The following CDK14 variants were observed in gnomAD, a reference collection of about 807,000 sequenced individuals.
The protein encoded by CDK14 is cyclin-dependent kinase 14.
Under a neutral mutation model 60.7 loss-of-function variants are expected in CDK14, and 34 were observed. That is an observed-to-expected ratio of 0.56 (90% CI 0.43 to 0.75). CDK14 has a LOEUF of 0.75. Ranked by LOEUF, CDK14 falls within the 30% of genes least tolerant of loss-of-function variation. CDK14 has a pLI of 0.00. For synonymous variants in CDK14, 197 were observed against 203.7 expected, an observed-to-expected ratio of 0.97 and a Z score of 0.28; for missense variants, 482 against 564.1, an observed-to-expected ratio of 0.85 and a Z score of 1.47.
chr7:90,609,059 C>T (rs1196198145), intron 2 of CDK14, among the ~76,000 whole-genome samples: 1 of 152,040 alleles, frequency 6.6e-6, no homozygotes, highest in African/African-American at 2.4e-5. Flanking sequence ...CTTGGTGTCC[C>T]TTGGTCATCC....
At chr7:90,961,301 C>T (rs1465184203) in intron 9 of CDK14, among the ~76,000 whole-genome samples, 2 of 152,100 alleles carry the variant, frequency 1.3e-5, no homozygotes, top group East Asian at 3.8e-4. Context: ...GACTGTTTTT[C>T]TCTCCTGACA....
chr7:90,949,811 A>C (rs894398660), intron 8 of CDK14, among the ~76,000 whole-genome samples: 1 of 152,232 alleles, frequency 6.6e-6, no homozygotes, highest in East Asian at 1.9e-4. Flanking sequence ...AGGATATTTT[A>C]ATTGTAATCT....
At chr7:90,925,436 G>A (rs920836457) in intron 8 of CDK14, among the ~76,000 whole-genome samples, 9 of 152,156 alleles carry the variant, frequency 5.9e-5, no homozygotes, top group African/African-American at 2.2e-4. Flanking sequence ...AGCAGAGGAT[G>A]GAAAACGATG....
intron 4 of CDK14, among the ~76,000 whole-genome samples, chr7:90,748,652 G>A (rs182029190): frequency 3.3e-5 from 5 of 152,134 alleles, no homozygotes; most frequent in Admixed American, 2.6e-4. Context: ...GCTTGATAAC[G>A]GCTCATTGCA....
At chr7:90,892,295 A>G (rs1183295514) in intron 6 of CDK14, among the ~76,000 whole-genome samples, 1 of 152,146 alleles carries the variant, frequency 6.6e-6, no homozygotes, top group African/African-American at 2.4e-5. Flanking sequence ...TAAAAGGGGC[A>G]GTTCTCCACT....
intron 6 of CDK14, among the ~76,000 whole-genome samples, chr7:90,875,962 AAATATT>A (rs1378634857): frequency 6.6e-6 from 1 of 152,156 alleles, no homozygotes; most frequent in Non-Finnish European, 1.5e-5. Context: ...TTCTCACTGA[AAATATT>A]AATAATAGCC....
intron 7 of CDK14, among the ~76,000 whole-genome samples, chr7:90,905,725 A>G (rs1584108957): frequency 6.6e-6 from 1 of 152,148 alleles, no homozygotes; most frequent in Non-Finnish European, 1.5e-5. Context: ...CATGATTAAT[A>G]CATTAAATTA....
chr7:90,646,968 A>G (rs1177633820), intron 2 of CDK14, among the ~76,000 whole-genome samples: 1 of 152,158 alleles, frequency 6.6e-6, no homozygotes, highest in East Asian at 1.9e-4. Context: ...TCACACCCTC[A>G]TCTGAAATGT....
chr7:91,069,377 T>C (rs924715666), intron 11 of CDK14, among the ~76,000 whole-genome samples: 3 of 152,058 alleles, frequency 2.0e-5, no homozygotes, highest in East Asian at 1.9e-4. Flanking sequence ...TCTCTAAAAA[T>C]AGATAAATAC....
intron 9 of CDK14, among the ~76,000 whole-genome samples, chr7:90,957,950 A>G (rs930366230): frequency 1.3e-5 from 2 of 152,150 alleles, no homozygotes; most frequent in Non-Finnish European, 2.9e-5. Flanking sequence ...CTGTTTTATA[A>G]TAGGAGTCAT....
intron 9 of CDK14, among the ~76,000 whole-genome samples, chr7:90,974,420 A>G (rs900155743): frequency 6.6e-6 from 1 of 152,232 alleles, no homozygotes; most frequent in Non-Finnish European, 1.5e-5. Flanking sequence ...ATAAGAAATT[A>G]TAAAAGTATT....
chr7:91,102,951 G>T (rs1799185838), intron 12 of CDK14, among the ~76,000 whole-genome samples: 1 of 152,130 alleles, frequency 6.6e-6, no homozygotes, highest in African/African-American at 2.4e-5. Flanking sequence ...TCTCCACATT[G>T]TATTAGAAAT....
At chr7:90,727,425 T>A (rs1802684569) in intron 3 of CDK14, among the ~76,000 whole-genome samples, 1 of 152,264 alleles carries the variant, frequency 6.6e-6, no homozygotes, top group South Asian at 2.1e-4. Flanking sequence ...ACTTTAGATA[T>A]AACTAGTGAT....
At chr7:90,871,827 T>C (rs1397276296) in intron 6 of CDK14, among the ~76,000 whole-genome samples, 1 of 152,214 alleles carries the variant, frequency 6.6e-6, no homozygotes, top group Non-Finnish European at 1.5e-5. Context: ...CCGTTTCCAG[T>C]GGCTACATCA....
chr7:90,801,228 A>G (rs1039580272), intron 5 of CDK14, among the ~76,000 whole-genome samples: 4 of 152,204 alleles, frequency 2.6e-5, no homozygotes, highest in African/African-American at 7.2e-5. Context: ...AGAAAAATGT[A>G]CTACATGGTG....
chr7:90,687,740 A>G (rs1324547939), intron 2 of CDK14, among the ~76,000 whole-genome samples: 1 of 152,254 alleles, frequency 6.6e-6, no homozygotes, highest in East Asian at 1.9e-4. Context: ...AAAACATAGC[A>G]TTTTACCTTT....
chr7:90,709,460 C>G (rs1801980491), intron 2 of CDK14: 3 of 1,563,366 alleles, frequency 1.9e-6, no homozygotes, highest in African/African-American at 1.4e-5. Context: ...GGCTCCCATT[C>G]TGTATTCTTC....
chr7:91,070,809 T>G (rs1798118571), intron 11 of CDK14, among the ~76,000 whole-genome samples: 1 of 150,692 alleles, frequency 6.6e-6, no homozygotes, highest in Non-Finnish European at 1.5e-5. Context: ...TGTTCAAAAC[T>G]TGCCCCAATA....
At chr7:90,673,004 AT>A (rs531393385) in intron 2 of CDK14, among the ~76,000 whole-genome samples, 15 of 150,098 alleles carry the variant, frequency 1.0e-4, no homozygotes, top group South Asian at 2.1e-4. Context: ...ATGCTGGTTG[AT>A]TTTTTTTTTC....
Sources: allele counts gnomAD v4.1 joint callset (sites outside exome capture counted in the v4.1 genomes callset), GRCh38; gene constraint gnomAD v4.1.1; transcripts MANE v1.5; gene names NCBI Gene and HGNC (gene_info 2026-07-23, HGNC 2026-07-21).